ZNF438: variants seen among roughly 807,000 people sequenced by gnomAD.
ZNF438 encodes zinc finger protein 438.
In ZNF438, 25 loss-of-function variants were observed where a neutral mutation model predicts 38.0. The ratio of observed to expected loss-of-function variants is 0.66; its 90% CI spans 0.48 to 0.92. The LOEUF is 0.92. ZNF438 is among the 40% of genes least tolerant of loss of function. The pLI, the probability that ZNF438 is intolerant of heterozygous loss-of-function variation, is 0.00. For missense variants in ZNF438, 1,007 were observed against 999.6 expected (o/e 1.01, Z -0.10); for synonymous variants, 372 against 364.1 (o/e 1.02, Z -0.25).
At chr10:30,927,778 T>C (rs971747490) in intron 2 of ZNF438, among the ~76,000 whole-genome samples, 3 of 152,246 alleles carry the variant, frequency 2.0e-5, no homozygotes, top group Admixed American at 6.5e-5. Flanking sequence ...GGATAAATCA[T>C]GACTTCTCAG....
intron 1 of ZNF438, among the ~76,000 whole-genome samples, chr10:30,969,322 T>C (rs2050490485): frequency 6.6e-6 from 1 of 152,200 alleles, no homozygotes; most frequent in Non-Finnish European, 1.5e-5. Context: ...CAACAGCCTA[T>C]ACCCACAGTG....
At chr10:30,980,254 T>TAAAAA (rs368647419) in intron 1 of ZNF438, among the ~76,000 whole-genome samples, 15 of 136,268 alleles carry the variant, frequency 1.1e-4, no homozygotes, top group African/African-American at 2.2e-4. Flanking sequence ...TGTTTAACAT[T>TAAAAA]AAAAAAAAAA....
At chr10:30,905,186 AG>A (rs796424432) in intron 3 of ZNF438, among the ~76,000 whole-genome samples, 52 of 152,302 alleles carry the variant, frequency 3.4e-4, no homozygotes, top group African/African-American at 1.3e-3. Flanking sequence ...TAACCTTTTG[AG>A]GATTTTCCAG....
chr10:30,895,173 C>A (rs1051836496), intron 3 of ZNF438, among the ~76,000 whole-genome samples: 1 of 152,150 alleles, frequency 6.6e-6, no homozygotes, highest in South Asian at 2.1e-4. Context: ...ACTAGGTGTG[C>A]TTTCCTCTTC....
intron 2 of ZNF438, among the ~76,000 whole-genome samples, chr10:30,935,865 T>A (rs374843966): frequency 1.1e-4 from 17 of 152,192 alleles, no homozygotes; most frequent in African/African-American, 4.1e-4. Context: ...GAGAACAGCA[T>A]GGGGGAACTG....
At chr10:31,003,873 A>G (rs995459905) in intron 1 of ZNF438, among the ~76,000 whole-genome samples, 4 of 152,156 alleles carry the variant, frequency 2.6e-5, no homozygotes, top group African/African-American at 4.8e-5. Context: ...GGTACCTCCA[A>G]TGCAAGATCA....
intron 5 of ZNF438, among the ~76,000 whole-genome samples, chr10:30,847,554 TAA>T (rs2032503468): frequency 6.6e-6 from 1 of 152,158 alleles, no homozygotes; most frequent in Non-Finnish European, 1.5e-5. Context: ...ATGGTGGGGC[TAA>T]GAGAGCTGTA....
chr10:31,017,615 G>A (rs1169623126), intron 1 of ZNF438, among the ~76,000 whole-genome samples: 4 of 152,164 alleles, frequency 2.6e-5, no homozygotes, highest in African/African-American at 9.7e-5. Context: ...TGTTTTATCT[G>A]CTGGCCTCTG....
At chr10:30,911,775 A>G (rs188637705) in intron 2 of ZNF438, among the ~76,000 whole-genome samples, 1 of 152,162 alleles carries the variant, frequency 6.6e-6, no homozygotes, top group East Asian at 1.9e-4. Flanking sequence ...AGATCATTTC[A>G]CCTTCATTTT....
intron 2 of ZNF438, among the ~76,000 whole-genome samples, chr10:30,939,375 G>A (rs2135473740): frequency 6.6e-6 from 1 of 152,288 alleles, no homozygotes; most frequent in South Asian, 2.1e-4. Flanking sequence ...AAATACAGGG[G>A]TGATACCTGT....
chr10:30,934,914 G>C (rs987556363), intron 2 of ZNF438, among the ~76,000 whole-genome samples: 1 of 152,204 alleles, frequency 6.6e-6, no homozygotes, highest in Non-Finnish European at 1.5e-5. Flanking sequence ...ATACCACAGT[G>C]TTTGGAACTT....
At chr10:31,030,067 A>T (rs1458150633) in intron 1 of ZNF438, among the ~76,000 whole-genome samples, 1 of 152,220 alleles carries the variant, frequency 6.6e-6, no homozygotes, top group Non-Finnish European at 1.5e-5. Flanking sequence ...AGACTTGTAA[A>T]AATTTAATTT....
chr10:30,942,713 C>T (rs948421980), intron 1 of ZNF438, among the ~76,000 whole-genome samples: 4 of 151,624 alleles, frequency 2.6e-5, no homozygotes, highest in Non-Finnish European at 4.4e-5. Context: ...CCTAGAATTT[C>T]GTATCTCCAA....
intron 1 of ZNF438, among the ~76,000 whole-genome samples, chr10:30,950,105 C>T (rs1199853298): frequency 2.7e-5 from 4 of 149,278 alleles, no homozygotes; most frequent in South Asian, 2.2e-4. Flanking sequence ...CACTCAAAAC[C>T]GCTCAACTAC....
chr10:30,904,315 T>C (rs1256977866), intron 3 of ZNF438, among the ~76,000 whole-genome samples: 9 of 152,216 alleles, frequency 5.9e-5, no homozygotes, highest in Non-Finnish European at 1.0e-4. Context: ...CAAAGTCCAG[T>C]GTCTGGGAGC....
chr10:31,005,939 AACTT>A (rs1433739197), intron 1 of ZNF438, among the ~76,000 whole-genome samples: 2 of 152,224 alleles, frequency 1.3e-5, no homozygotes, highest in African/African-American at 4.8e-5. Context: ...GACCTTGGAC[AACTT>A]ACTTAATCTC....
chr10:30,949,573 A>G (rs907740500), intron 1 of ZNF438, among the ~76,000 whole-genome samples: 2 of 152,246 alleles, frequency 1.3e-5, no homozygotes, highest in African/African-American at 4.8e-5. Context: ...AAGCAAATGG[A>G]AAACAAAAAA....
chr10:30,937,811 T>C (rs184063477), intron 2 of ZNF438, among the ~76,000 whole-genome samples: 128 of 152,354 alleles, frequency 8.4e-4, no homozygotes, highest in Admixed American at 2.5e-3. Flanking sequence ...CACATGTAGC[T>C]GACAAATCAT....
At chr10:30,867,334 T>G (rs1326999723) in intron 4 of ZNF438, among the ~76,000 whole-genome samples, 1 of 152,174 alleles carries the variant, frequency 6.6e-6, no homozygotes, top group Non-Finnish European at 1.5e-5. Flanking sequence ...TTTTTTGCTT[T>G]AGAAAAATAT....
Sources: allele counts gnomAD v4.1 joint callset (sites outside exome capture counted in the v4.1 genomes callset), GRCh38; gene constraint gnomAD v4.1.1; transcripts MANE v1.5; gene names NCBI Gene and HGNC (gene_info 2026-07-23, HGNC 2026-07-21).